ZMAT4: variants seen among roughly 807,000 people sequenced by gnomAD.
ZMAT4 encodes the protein zinc finger matrin-type 4, also known as zinc finger matrin-type protein 4.
In ZMAT4, 17 loss-of-function variants were observed where a neutral mutation model predicts 28.7. That is an observed-to-expected ratio of 0.59 (90% CI 0.41 to 0.89). The LOEUF (loss-of-function observed/expected upper bound fraction) is 0.89. Ranked by LOEUF, ZMAT4 falls within the 40% of genes least tolerant of loss-of-function variation. The pLI, the probability that ZMAT4 is intolerant of heterozygous loss-of-function variation, is 0.00. For missense variants in ZMAT4, 240 were observed against 283.8 expected, an observed-to-expected ratio of 0.85 and a Z score of 1.11; for synonymous variants, 117 against 109.2, an observed-to-expected ratio of 1.07 and a Z score of -0.44.
chr8:40,709,703 T>C (rs527873538), intron 3 of ZMAT4, among the ~76,000 whole-genome samples: 6 of 152,180 alleles, frequency 3.9e-5, no homozygotes, highest in Non-Finnish European at 8.8e-5. Flanking sequence ...GTAAGATTGA[T>C]TTTAATAACC....
At chr8:40,616,199 A>G (rs1806000441) in intron 5 of ZMAT4, among the ~76,000 whole-genome samples, 4 of 152,338 alleles carry the variant, frequency 2.6e-5, no homozygotes, top group Admixed American at 1.3e-4. Context: ...ACCATCTCAC[A>G]CCAGTTAGAA....
intron 2 of ZMAT4, among the ~76,000 whole-genome samples, chr8:40,805,933 G>A (rs1213852897): frequency 1.3e-5 from 2 of 151,200 alleles, no homozygotes; most frequent in African/African-American, 4.9e-5. Context: ...AAAACTTAAA[G>A]TATAATTAAA....
chr8:40,639,459 G>C lies in ZMAT4; in HGVS notation c.577+35245C>G, dbSNP rs16889787. On this transcript the variant is annotated intron_variant, in intron 5 of 6. Coordinates refer to ENST00000297737, the MANE Select transcript of ZMAT4 (RefSeq NM_024645.3). ...GAGTCTTGAGCTTTGGAATTACTAC[G>C]ACTCTTGGCCATGAAGGATATTTTC... Among the ~76,000 whole-genome samples the C allele has an allele frequency of 2.1e-4, 32 of 151,942 alleles. No individual in the cohort carries two copies. In the East Asian group the frequency reaches 6.0e-3, roughly 29 times the overall value.
At chr8:40,788,445 C>T (rs537560497) in intron 2 of ZMAT4, among the ~76,000 whole-genome samples, 18 of 152,134 alleles carry the variant, frequency 1.2e-4, no homozygotes, top group African/African-American at 3.1e-4. Flanking sequence ...ATTAGCCGGG[C>T]GTGGTGGCGG....
intron 4 of ZMAT4, among the ~76,000 whole-genome samples, chr8:40,677,483 C>A (rs933030266): frequency 6.6e-6 from 1 of 152,084 alleles, no homozygotes; most frequent in African/African-American, 2.4e-5. Context: ...TTTCTAACGT[C>A]CCTGGTTTCC....
intron 3 of ZMAT4, among the ~76,000 whole-genome samples, chr8:40,715,624 C>T (rs563872764): frequency 2.6e-5 from 4 of 152,010 alleles, no homozygotes; most frequent in Non-Finnish European, 5.9e-5. Context: ...TAAGTAAACC[C>T]CTCATCCCAC....
intron 4 of ZMAT4, among the ~76,000 whole-genome samples, chr8:40,684,458 AC>A (rs1228047020): frequency 6.6e-6 from 1 of 152,146 alleles, no homozygotes; most frequent in Non-Finnish European, 1.5e-5. Context: ...AGCTGGAGGC[AC>A]CCCCTGGATC....
At chr8:40,729,597 C>CTTTCTT (rs377329831) in intron 3 of ZMAT4, among the ~76,000 whole-genome samples, 37 of 142,422 alleles carry the variant, frequency 2.6e-4, no homozygotes, top group Non-Finnish European at 3.3e-4. Context: ...TTCTTTCTTT[C>CTTTCTT]TTTTTTTTTT....
intron 1 of ZMAT4, among the ~76,000 whole-genome samples, chr8:40,837,882 A>G (rs1816554685): frequency 6.6e-6 from 1 of 152,204 alleles, no homozygotes; most frequent in Non-Finnish European, 1.5e-5. Flanking sequence ...GGCACCTGCC[A>G]AGAAGTCTGC....
At position 40,831,765 on chromosome 8, in the gene ZMAT4, G is replaced by A. The variant is rs139171601; in HGVS notation, c.-4-6085C>T. ...TTCTGAATTTCCAAACTGCCACTCC[G>A]TGTGACTGTGCAAGCTCTCCAGTAT... On this transcript the variant is annotated intron_variant, in intron 1 of 6. Coordinates refer to ENST00000297737, the MANE Select transcript of ZMAT4 (RefSeq NM_024645.3). Among the ~76,000 whole-genome samples the A allele has an allele frequency of 4.5e-4, 68 of 152,260 alleles. No individual in the cohort carries two copies. The South Asian group carries it at 0.012, about 26-fold the overall frequency.
At chr8:40,756,426 T>TTATATGTATATATATATA (rs1554551496) in intron 3 of ZMAT4, among the ~76,000 whole-genome samples, 11 of 73,276 alleles carry the variant, frequency 1.5e-4, no homozygotes, top group African/African-American at 6.7e-4. Context: ...AAATGTTCTT[T>TTATATGTATATATATATA]TATATATATA....
intron 1 of ZMAT4, among the ~76,000 whole-genome samples, chr8:40,850,255 C>T (rs981875559): frequency 1.1e-4 from 17 of 152,108 alleles, no homozygotes; most frequent in African/African-American, 3.4e-4. Context: ...CAAGGCCCTC[C>T]GCTGGCCTGT....
chr8:40,767,188 AT>A (rs1379021092), intron 3 of ZMAT4, among the ~76,000 whole-genome samples: 1 of 152,168 alleles, frequency 6.6e-6, no homozygotes, highest in African/African-American at 2.4e-5. Flanking sequence ...GGGTATTTTT[AT>A]TTGCAAAATA....
intron 2 of ZMAT4, among the ~76,000 whole-genome samples, chr8:40,820,827 GTT>G (rs2150606167): frequency 7.6e-4 from 8 of 10,568 alleles, no homozygotes; most frequent in African/African-American, 6.4e-3. Context: ...GTATGTGTAT[GTT>G]TATGTGTGTA....
intron 2 of ZMAT4, among the ~76,000 whole-genome samples, chr8:40,771,727 G>A (rs1411569013): frequency 6.6e-6 from 1 of 152,202 alleles, no homozygotes; most frequent in Non-Finnish European, 1.5e-5. Flanking sequence ...GTACATAAGT[G>A]TCACTTTCAC....
At chr8:40,693,989 G>A (rs990789048) in intron 4 of ZMAT4, among the ~76,000 whole-genome samples, 3 of 152,196 alleles carry the variant, frequency 2.0e-5, no homozygotes, top group African/African-American at 4.8e-5. Flanking sequence ...TGTTATTCAC[G>A]GGGGTGGGGG....
At chr8:40,590,063 A>T (rs1170625458) in intron 5 of ZMAT4, among the ~76,000 whole-genome samples, 1 of 141,260 alleles carries the variant, frequency 7.1e-6, no homozygotes. Flanking sequence ...CTCTGCACCC[A>T]GGATAGAATA....
At chr8:40,608,122 A>T (rs898581679) in intron 5 of ZMAT4, among the ~76,000 whole-genome samples, 4 of 152,132 alleles carry the variant, frequency 2.6e-5, no homozygotes, top group Non-Finnish European at 5.9e-5. Flanking sequence ...GGCAGTGGGC[A>T]GGGCCATGAA....
intron 3 of ZMAT4, among the ~76,000 whole-genome samples, chr8:40,738,865 C>T (rs777883682): frequency 2.6e-5 from 4 of 152,104 alleles, no homozygotes; most frequent in Non-Finnish European, 5.9e-5. Context: ...ACAAAAATTG[C>T]TATTGCTAAA....
Sources: gnomAD v4.1 joint callset for allele counts (sites outside exome capture counted in the v4.1 genomes callset) on GRCh38, gnomAD v4.1.1 for gene constraint, MANE v1.5 for transcripts, NCBI Gene and HGNC (gene_info 2026-07-23, HGNC 2026-07-21) for gene names.